The following USP40 variants were observed in gnomAD, a reference collection of about 807,000 sequenced individuals.
USP40 encodes ubiquitin specific peptidase 40.
Under a neutral mutation model 166.2 loss-of-function variants are expected in USP40, and 143 were observed. The observed-to-expected ratio is 0.86, with a 90% CI of 0.75 to 0.99. The LOEUF is 0.99. Ranked by LOEUF, USP40 falls within the 50% of genes least tolerant of loss-of-function variation. USP40 has a pLI of 0.00. For synonymous variants in USP40, 498 were observed against 524.0 expected (o/e 0.95, Z 0.68); for missense variants, 1,444 against 1,479.7 (o/e 0.98, Z 0.40).
At chr2:233,527,337 G>T (rs2068102316) in intron 13 of USP40, 70 bp downstream of exon 13, 3 of 1,520,190 alleles carry the variant, frequency 2.0e-6, no homozygotes, top group African/African-American at 2.8e-5. Flanking sequence ...ATCCTAAACA[G>T]AATGAAATGG....
intron 7 of USP40, among the ~76,000 whole-genome samples, chr2:233,550,319 C>T (rs541122169): frequency 2.2e-4 from 33 of 152,176 alleles, no homozygotes; most frequent in Non-Finnish European, 4.0e-4. Flanking sequence ...TGCTCAATTT[C>T]TTCAATTATT....
chr2:233,524,464 C>A, intron 15 of USP40, 28 bp downstream of exon 15: 1 of 1,584,472 alleles, frequency 6.3e-7, no homozygotes, highest in Non-Finnish European at 8.6e-7. Context: ...AAAATTATCA[C>A]GAATATTTCT....
intron 6 of USP40, among the ~76,000 whole-genome samples, chr2:233,552,950 T>G (rs1459401949): frequency 6.6e-6 from 1 of 152,188 alleles, no homozygotes; most frequent in East Asian, 1.9e-4. Flanking sequence ...AGTAACCCAC[T>G]GAGTGAACTG....
chr2:233,554,639 A>T, intron 5 of USP40, 113 bp from the exon 6 acceptor site: 1 of 788,352 alleles, frequency 1.3e-6, no homozygotes. Context: ...AAACATTACA[A>T]ATAAAGATGT....
At chr2:233,504,091 CTAT>C (rs1265232884) in intron 21 of USP40, among the ~76,000 whole-genome samples, 1 of 151,948 alleles carries the variant, frequency 6.6e-6, no homozygotes, top group Non-Finnish European at 1.5e-5. Flanking sequence ...TTAAAATAGT[CTAT>C]TATAAGTACA....
intron 19 of USP40, chr2:233,512,218 T>C: frequency 5.2e-6 from 1 of 191,058 alleles, no homozygotes; most frequent in Non-Finnish European, 1.1e-5. Context: ...TGGTAAGAGG[T>C]GATACAGAGA....
chr2:233,556,779 G>A, intron 5 of USP40, 76 bp downstream of exon 5: 1 of 1,363,246 alleles, frequency 7.3e-7, no homozygotes, highest in South Asian at 1.6e-5. Context: ...TCCTTGTGTG[G>A]TATATATCAT....
At position 233,543,214 on chromosome 2, in the gene USP40, A is replaced by G. The variant is rs2069588027; in HGVS notation, c.967-851T>C. 2.0e-5 allele frequency among the ~76,000 whole-genome samples: 3 copies of G among 152,260 alleles called. No individual in the cohort carries two copies. In the South Asian group the frequency reaches 6.2e-4, roughly 31 times the overall value. On this transcript the variant is annotated intron_variant, in intron 8 of 31. Transcript: ENST00000678225. ...AATGGACTTAAAACCAGAAATACAGATAGTCCTAAACAATGCAAGCCAAAA... is the reference window on the plus strand; with the variant it reads ...AATGGACTTAAAACCAGAAATACAGGTAGTCCTAAACAATGCAAGCCAAAA...
rs867653303 is a variant in USP40 at position 233,488,031 on chromosome 2, C to A, written c.3197+208G>T. The A allele has an allele frequency of 1.1e-5, 8 of 704,412 alleles. No homozygotes were observed. The Middle Eastern group carries it at 1.4e-3, about 123-fold the overall frequency. The allele number at this position is 704,412 out of a possible 1,614,324, so 43.6% of individuals were successfully genotyped here. On this transcript the variant is annotated intron_variant, in intron 28 of 31. Transcript: ENST00000678225. Reference sequence around the variant, plus strand: ...CCTGGTGATTACTGAAAAATTAATTCTCCCTTACTGTTTTTATGGGAGAAT... The same window carrying A: ...CCTGGTGATTACTGAAAAATTAATTATCCCTTACTGTTTTTATGGGAGAAT...
At position 233,551,419 on chromosome 2, in the gene USP40, T is replaced by G. The variant is rs780377509; in HGVS notation, c.794A>C (p.Tyr265Ser). 8 of 1,611,688 alleles carry G rather than the reference T, an allele frequency of 5.0e-6. No individual in the cohort carries two copies. The African/African-American group carries it at 1.1e-4, about 22-fold the overall frequency. ...GAGATTAATCCGGAGAGGGAATGTATAACAGCTAGTTTCCTTGTAGCGTTC... is the reference window on the plus strand; with the variant it reads ...GAGATTAATCCGGAGAGGGAATGTAGAACAGCTAGTTTCCTTGTAGCGTTC... Reference protein sequence around the residue: ...KCERYKETSCYTFPLRINLKP... With the variant: ...KCERYKETSCSTFPLRINLKP... The change falls in exon 7 of 32, where the codon TAT becomes TCT. Residue 265 changes from tyrosine (Y) to serine (S), a missense_variant. Tyr to Ser is a moderately radical substitution (Grantham distance 144). Transcript: ENST00000678225.
chr2:233,478,452 C>G (rs986377163), intron 31 of USP40, among the ~76,000 whole-genome samples: 1 of 152,210 alleles, frequency 6.6e-6, no homozygotes, highest in East Asian at 1.9e-4. Context: ...TATATGCTGG[C>G]AAGCGATTTG....
intron 14 of USP40, 144 bp downstream of exon 14, chr2:233,525,333 TG>T (rs1443562029): frequency 4.0e-6 from 2 of 496,748 alleles, no homozygotes; most frequent in African/African-American, 1.9e-5. Context: ...TTATTTCTTT[TG>T]GAAAACTTAC....
At chr2:233,503,438 A>G (rs1018270610) in intron 21 of USP40, among the ~76,000 whole-genome samples, 1 of 152,196 alleles carries the variant, frequency 6.6e-6, no homozygotes, top group African/African-American at 2.4e-5. Context: ...AGGTTCCCCA[A>G]TTAGATTCAA....
rs918907477 is a variant in USP40 at position 233,554,402 on chromosome 2, T to C, written c.671A>G (p.Asp224Gly). ...CDNLYHCGTCDRLVKAAKSAK... is the reference protein window; with the variant it reads ...CDNLYHCGTCGRLVKAAKSAK... Reference sequence around the variant, plus strand: ...TACCTTTGCTGCTTTAACCAGCCTGTCACAAGTTCCACAGTGGTACAAGTT... The same window carrying C: ...TACCTTTGCTGCTTTAACCAGCCTGCCACAAGTTCCACAGTGGTACAAGTT... Residue 224 changes from aspartate to glycine, a missense_variant, in exon 6 of 32, where the codon GAC becomes GGC. By Grantham distance (94) the Asp-to-Gly change is moderately conservative. Coordinates refer to ENST00000678225, the MANE Select transcript of USP40 (RefSeq NM_001365479.2). The C allele has an allele frequency of 8.1e-6, 13 of 1,612,278 alleles. No homozygotes were observed. The highest frequency in any genetic ancestry group is 4.0e-5 in the African/African-American group (3 of 74,830).
Position 233,523,335 on chromosome 2 carries a change from G to T in USP40, c.2036C>A (p.Thr679Lys), listed in dbSNP as rs72982324. The T allele has an allele frequency of 1.2e-4, 193 of 1,614,048 alleles. 1 individual carries two copies. Among genetic ancestry groups the T allele is most frequent in the Middle Eastern group, 9.9e-4 (6 of 6,062 alleles). Residue 679 changes from threonine (T) to lysine (K), a missense_variant, in exon 16 of 32, where the codon ACA (threonine) becomes AAA (lysine). Transcript: ENST00000678225. Reference protein sequence around the residue: ...PANAEVGTVLTALAIPAGVIF... With the variant: ...PANAEVGTVLKALAIPAGVIF... ...GACACCTGCTGGGATTGCTAAGGCT[G>T]TGAGGACAGTGCCCACTTCTGCATT...
chr2:233,484,389 C>A (rs2064813853), intron 30 of USP40, among the ~76,000 whole-genome samples: 1 of 152,116 alleles, frequency 6.6e-6, no homozygotes, highest in African/African-American at 2.4e-5. Context: ...TTTGTATATT[C>A]TCCAGAAGGT....
rs756582280 is a variant in USP40 at position 233,481,239 on chromosome 2, T to G, written c.3563A>C (p.Glu1188Ala). 4 of 1,608,430 alleles carry G rather than the reference T, an allele frequency of 2.5e-6. No individual in the cohort carries two copies. The African/African-American group carries it at 4.0e-5, about 16-fold the overall frequency. ...CCCCAGGGCCCGTTGTTTCTGCTTTTCTTTTCCAGTGTCATCTCTGATTGT... is the reference window on the plus strand; with the variant it reads ...CCCCAGGGCCCGTTGTTTCTGCTTTGCTTTTCCAGTGTCATCTCTGATTGT... The part of the protein sequence containing the change: ...FSTIRDDTGK[E>A]KQKQRALGRR... Residue 1188 changes from glutamate (E) to alanine (A), a missense_variant, in exon 31 of 32, where the codon GAA (glutamate) becomes GCA (alanine). Transcript: ENST00000678225.
At chr2:233,566,313 G>C (rs1336223198) in intron 1 of USP40, among the ~76,000 whole-genome samples, 1 of 152,128 alleles carries the variant, frequency 6.6e-6, no homozygotes, top group Non-Finnish European at 1.5e-5. Context: ...GGGTCACTTG[G>C]AGATGAGAAA....
chr2:233,558,313 C>A (rs1344800518), intron 4 of USP40, among the ~76,000 whole-genome samples: 1 of 151,104 alleles, frequency 6.6e-6, no homozygotes, highest in Admixed American at 6.6e-5. Flanking sequence ...AAGAAACCAG[C>A]AACTTAGTGA....
Sources: gnomAD v4.1 joint callset for allele counts (sites outside exome capture counted in the v4.1 genomes callset) on GRCh38, gnomAD v4.1.1 for gene constraint, MANE v1.5 for transcripts, NCBI Gene and HGNC (gene_info 2026-07-23, HGNC 2026-07-21) for gene names.